The following TMEM267 variants were observed in gnomAD, a reference collection of about 807,000 sequenced individuals.
TMEM267 encodes the protein transmembrane protein C5orf28.
TMEM267 carries 20 observed loss-of-function variants against 19.3 expected under a neutral mutation model. The ratio of observed to expected loss-of-function variants is 1.04; its 90% CI spans 0.73 to 1.51. The LOEUF (loss-of-function observed/expected upper bound fraction) is 1.51, where lower values mean the gene tolerates loss of function less well. Ranked by LOEUF, TMEM267 falls within the 40% of genes most tolerant of loss-of-function variation. The probability of loss-of-function intolerance (pLI) is 0.00; values close to 1 mark genes in which losing one functional copy is unlikely to be tolerated. For missense variants in TMEM267, 242 were observed against 261.9 expected (o/e 0.92, Z 0.52); for synonymous variants, 88 against 90.3 (o/e 0.97, Z 0.15).
chr5:43,464,446 A>C (rs2112120001), intron 1 of TMEM267, among the ~76,000 whole-genome samples: 1 of 152,336 alleles, frequency 6.6e-6, no homozygotes, highest in East Asian at 1.9e-4. Context: ...ACAGAATTGG[A>C]AAAAACTACT....
chr5:43,474,217 TG>T (rs1475183540), intron 1 of TMEM267, among the ~76,000 whole-genome samples: 5 of 152,204 alleles, frequency 3.3e-5, no homozygotes, highest in African/African-American at 9.6e-5. Context: ...CTTCGTCTTT[TG>T]TTACCAAAAG....
intron 1 of TMEM267, among the ~76,000 whole-genome samples, chr5:43,466,695 G>A (rs1237200103): frequency 2.0e-5 from 3 of 152,168 alleles, no homozygotes; most frequent in Admixed American, 6.5e-5. Flanking sequence ...ACAGTGTTAA[G>A]TTGTTATCAG....
At chr5:43,459,309 A>G (rs563290549) in intron 1 of TMEM267, among the ~76,000 whole-genome samples, 17 of 152,316 alleles carry the variant, frequency 1.1e-4, no homozygotes, top group African/African-American at 4.1e-4. Context: ...AAAGAAAAAA[A>G]AGAAAACCTT....
chr5:43,459,701 A>C (rs1743144443), intron 1 of TMEM267, among the ~76,000 whole-genome samples: 2 of 152,188 alleles, frequency 1.3e-5, no homozygotes, highest in African/African-American at 4.8e-5. Flanking sequence ...GCAGCAAAAA[A>C]TTAAGTGGTC....
chr5:43,453,174 A>G (rs984679841), intron 2 of TMEM267, among the ~76,000 whole-genome samples: 2 of 152,222 alleles, frequency 1.3e-5, no homozygotes, highest in African/African-American at 4.8e-5. Flanking sequence ...TGTTCAAGTC[A>G]TTCCTTAGGA....
At chr5:43,456,763 T>C (rs937653040) in intron 1 of TMEM267, among the ~76,000 whole-genome samples, 1 of 152,202 alleles carries the variant, frequency 6.6e-6, no homozygotes. Flanking sequence ...TTGACAAAGA[T>C]GTGGAGCAAC....
At chr5:43,478,971 A>T (rs1190614701) in intron 1 of TMEM267, among the ~76,000 whole-genome samples, 1 of 152,114 alleles carries the variant, frequency 6.6e-6, no homozygotes, top group Admixed American at 6.5e-5. Context: ...CACAAAAAAT[A>T]AGCAAACACT....
At chr5:43,477,149 C>T (rs1052747917) in intron 1 of TMEM267, among the ~76,000 whole-genome samples, 1 of 152,016 alleles carries the variant, frequency 6.6e-6, no homozygotes, top group Non-Finnish European at 1.5e-5. Context: ...CTACGATCGC[C>T]CTACTGCACT....
chr5:43,451,017 T>C (rs1259318659), intron 2 of TMEM267, among the ~76,000 whole-genome samples: 2 of 152,108 alleles, frequency 1.3e-5, no homozygotes. Flanking sequence ...TTTTGTATTT[T>C]TAGTAGAGAC....
chr5:43,447,414 T>C lies in TMEM267; in HGVS notation c.313-857A>G, dbSNP rs138128663. On this transcript the variant is annotated intron_variant, in intron 2 of 2. Coordinates refer to ENST00000397080, the MANE Select transcript of TMEM267 (RefSeq NM_022483.5). The stretch of plus-strand genomic sequence containing the variant: ...AAACTTCAGTAAATTTCTAAACCAC[T>C]ACCAAAATGTATACTCAATATCTGA... Among the ~76,000 whole-genome samples, 8 of 152,256 alleles carry C rather than the reference T, an allele frequency of 5.3e-5. No homozygotes were observed. In the East Asian group the frequency reaches 1.5e-3, roughly 29 times the overall value.
chr5:43,457,420 A>G (rs1743016182), intron 1 of TMEM267, among the ~76,000 whole-genome samples: 1 of 152,228 alleles, frequency 6.6e-6, no homozygotes, highest in South Asian at 2.1e-4. Flanking sequence ...ATTGGCTTAC[A>G]GTTCTGCAGG....
chr5:43,459,999 C>G (rs1487078985), intron 1 of TMEM267, among the ~76,000 whole-genome samples: 1 of 152,122 alleles, frequency 6.6e-6, no homozygotes, highest in Non-Finnish European at 1.5e-5. Context: ...GCTTGTTTTC[C>G]TGCATCTAGA....
chr5:43,463,525 A>T (rs1025471203), intron 1 of TMEM267, among the ~76,000 whole-genome samples: 6 of 152,178 alleles, frequency 3.9e-5, no homozygotes, highest in Non-Finnish European at 8.8e-5. Context: ...ATGAACATTG[A>T]TACAAAAATC....
At chr5:43,451,404 G>C (rs905238698) in intron 2 of TMEM267, among the ~76,000 whole-genome samples, 2 of 151,918 alleles carry the variant, frequency 1.3e-5, no homozygotes, top group African/African-American at 4.8e-5. Context: ...AACTCAACAA[G>C]AATAAAACAA....
At chr5:43,452,384 C>T (rs1033985327) in intron 2 of TMEM267, among the ~76,000 whole-genome samples, 17 of 151,942 alleles carry the variant, frequency 1.1e-4, no homozygotes, top group East Asian at 3.9e-4. Context: ...CACTTGTAAG[C>T]GAGAGCTAAA....
chr5:43,466,902 A>G (rs1314507197), intron 1 of TMEM267, among the ~76,000 whole-genome samples: 1 of 152,174 alleles, frequency 6.6e-6, no homozygotes, highest in Non-Finnish European at 1.5e-5. Context: ...TAATTTCAGC[A>G]CTTTGGGAAA....
At chr5:43,446,795 A>AT (rs1397795323) in intron 2 of TMEM267, among the ~76,000 whole-genome samples, 1 of 152,036 alleles carries the variant, frequency 6.6e-6, no homozygotes, top group African/African-American at 2.4e-5. Flanking sequence ...ATGGTGATTA[A>AT]TTTTTTAAGT....
chr5:43,462,833 G>C (rs1743353540), intron 1 of TMEM267, among the ~76,000 whole-genome samples: 1 of 152,154 alleles, frequency 6.6e-6, no homozygotes, highest in South Asian at 2.1e-4. Flanking sequence ...TTGGCAGAAA[G>C]CAGGAAAGAC....
chr5:43,463,961 T>C (rs1462235254), intron 1 of TMEM267, among the ~76,000 whole-genome samples: 2 of 152,064 alleles, frequency 1.3e-5, no homozygotes, highest in African/African-American at 2.4e-5. Flanking sequence ...CCAGAGCAAT[T>C]AGGCAGGAGA....
Sources: gnomAD v4.1 joint callset for allele counts (sites outside exome capture counted in the v4.1 genomes callset) on GRCh38, gnomAD v4.1.1 for gene constraint, MANE v1.5 for transcripts, NCBI Gene and HGNC (gene_info 2026-07-23, HGNC 2026-07-21) for gene names.